The following SUMF1 variants were observed in gnomAD, a reference collection of about 807,000 sequenced individuals.
The protein encoded by SUMF1 is sulfatase modifying factor 1, also known as formylglycine-generating enzyme.
Under a neutral mutation model 47.6 loss-of-function variants are expected in SUMF1, and 48 were observed. The ratio of observed to expected loss-of-function variants is 1.01; its 90% CI spans 0.80 to 1.28. The LOEUF is 1.28. SUMF1 is among the 50% of genes most tolerant of loss of function. The probability of loss-of-function intolerance (pLI) is 0.00; values close to 1 mark genes in which losing one functional copy is unlikely to be tolerated. For missense variants in SUMF1, 571 were observed against 485.4 expected (o/e 1.18, Z -1.66); for synonymous variants, 230 against 192.1 (o/e 1.20, Z -1.63).
intron 8 of SUMF1, among the ~76,000 whole-genome samples, chr3:4,216,470 C>T (rs539544468): frequency 3.3e-5 from 5 of 152,286 alleles, no homozygotes; most frequent in Non-Finnish European, 7.4e-5. Context: ...CCATTCAGGA[C>T]ATAGGCATGG....
chr3:4,328,204 C>A (rs1698983130), intron 8 of SUMF1, among the ~76,000 whole-genome samples: 1 of 151,918 alleles, frequency 6.6e-6, no homozygotes, highest in Admixed American at 6.6e-5. Context: ...GGGTGACCAA[C>A]AAGACCCTGT....
At chr3:4,211,754 A>C (rs1040228149) in intron 8 of SUMF1, among the ~76,000 whole-genome samples, 1 of 152,156 alleles carries the variant, frequency 6.6e-6, no homozygotes, top group Non-Finnish European at 1.5e-5. Flanking sequence ...ATAAGAACTG[A>C]TAATACATCA....
At chr3:4,164,567 C>A (rs1050147711) in intron 8 of SUMF1, among the ~76,000 whole-genome samples, 2 of 152,180 alleles carry the variant, frequency 1.3e-5, no homozygotes, top group Non-Finnish European at 2.9e-5. Context: ...ACAATGATAA[C>A]AAGCCCTACC....
chr3:4,321,137 T>A (rs969997650), intron 8 of SUMF1, among the ~76,000 whole-genome samples: 3 of 152,142 alleles, frequency 2.0e-5, no homozygotes, highest in Non-Finnish European at 4.4e-5. Flanking sequence ...ATGATCCATG[T>A]GGTAATGGAT....
At chr3:4,080,885 C>T (rs1692545788) in intron 8 of SUMF1, among the ~76,000 whole-genome samples, 1 of 152,068 alleles carries the variant, frequency 6.6e-6, no homozygotes, top group African/African-American at 2.4e-5. Context: ...ACTCAGGAGC[C>T]ACATTATCTG....
intron 8 of SUMF1, among the ~76,000 whole-genome samples, chr3:4,146,642 C>T (rs1225761904): frequency 6.6e-6 from 1 of 151,766 alleles, no homozygotes; most frequent in African/African-American, 2.4e-5. Flanking sequence ...CCCAGTAACT[C>T]GTCATTTAAC....
intron 8 of SUMF1, among the ~76,000 whole-genome samples, chr3:4,083,587 C>G (rs1426142750): frequency 6.6e-6 from 1 of 152,120 alleles, no homozygotes; most frequent in Admixed American, 6.6e-5. Context: ...CCATTTGCAA[C>G]TTGTTCCAAG....
intron 8 of SUMF1, among the ~76,000 whole-genome samples, chr3:4,073,089 C>A (rs554259493): frequency 5.9e-5 from 9 of 152,128 alleles, no homozygotes; most frequent in African/African-American, 2.2e-4. Flanking sequence ...CAGAGAGAAA[C>A]GTTGGGTTAC....
chr3:4,057,428 G>T (rs746540555), intron 9 of SUMF1, among the ~76,000 whole-genome samples: 13 of 152,086 alleles, frequency 8.5e-5, no homozygotes, highest in Non-Finnish European at 1.6e-4. Flanking sequence ...CTAAGAAAAA[G>T]GAAGGACATG....
chr3:4,276,161 C>A (rs1173020414), intron 8 of SUMF1, among the ~76,000 whole-genome samples: 2 of 152,078 alleles, frequency 1.3e-5, no homozygotes, highest in African/African-American at 4.8e-5. Flanking sequence ...GCATCATTCT[C>A]TGATAAGAGA....
At chr3:4,175,939 G>T (rs1253049105) in intron 8 of SUMF1, among the ~76,000 whole-genome samples, 1 of 152,166 alleles carries the variant, frequency 6.6e-6, no homozygotes, top group Non-Finnish European at 1.5e-5. Flanking sequence ...AAGGGTATCA[G>T]TGAATGAAGA....
At chr3:4,445,217 AT>A (rs1326202588) in intron 3 of SUMF1, among the ~76,000 whole-genome samples, 7 of 152,256 alleles carry the variant, frequency 4.6e-5, no homozygotes, top group African/African-American at 1.4e-4. Context: ...TACACTTAGT[AT>A]GGTAAAACCT....
At chr3:4,068,452 C>A in intron 9 of SUMF1, 1 of 171,746 alleles carries the variant, frequency 5.8e-6, no homozygotes, top group South Asian at 1.3e-4. Context: ...TATACTTTAA[C>A]ACAATATGTT....
intron 1 of SUMF1, among the ~76,000 whole-genome samples, chr3:4,459,111 T>C (rs1391608884): frequency 6.6e-6 from 1 of 152,176 alleles, no homozygotes; most frequent in African/African-American, 2.4e-5. Context: ...AAATTAGCTT[T>C]AGTGATGTAT....
chr3:4,184,209 AC>A (rs1695154064), intron 8 of SUMF1, among the ~76,000 whole-genome samples: 1 of 151,784 alleles, frequency 6.6e-6, no homozygotes, highest in Admixed American at 6.6e-5. Context: ...TATTCCCAAC[AC>A]TTTTGGAGGC....
chr3:4,252,972 T>G (rs1028062990), intron 8 of SUMF1, among the ~76,000 whole-genome samples: 1 of 152,216 alleles, frequency 6.6e-6, no homozygotes, highest in African/African-American at 2.4e-5. Flanking sequence ...ATTGGAACAT[T>G]TGACTTAGAT....
At chr3:4,218,702 C>G (rs771355166) in intron 8 of SUMF1, among the ~76,000 whole-genome samples, 19 of 152,104 alleles carry the variant, frequency 1.2e-4, no homozygotes, top group Non-Finnish European at 2.5e-4. Context: ...AAACCAGAAG[C>G]CTATTGTTCT....
chr3:4,050,920 G>A (rs1211016369), intron 9 of SUMF1, among the ~76,000 whole-genome samples: 1 of 151,788 alleles, frequency 6.6e-6, no homozygotes, highest in Non-Finnish European at 1.5e-5. Context: ...CTTTAGAAAT[G>A]TAAGAAAATT....
At chr3:4,143,913 T>C (rs774811831) in intron 8 of SUMF1, among the ~76,000 whole-genome samples, 5 of 151,888 alleles carry the variant, frequency 3.3e-5, no homozygotes, top group South Asian at 4.1e-4. Flanking sequence ...CACGGTGATA[T>C]GTACGCATGA....
Sources: allele counts gnomAD v4.1 joint callset (sites outside exome capture counted in the v4.1 genomes callset), GRCh38; gene constraint gnomAD v4.1.1; transcripts MANE v1.5; gene names NCBI Gene and HGNC (gene_info 2026-07-23, HGNC 2026-07-21).